The following BMAL1 variants were observed in gnomAD, a reference collection of about 807,000 sequenced individuals.
BMAL1 encodes basic helix-loop-helix ARNT-like protein 1.
the BMAL1 span, among the ~76,000 whole-genome samples, chr11:13,291,174 T>C: frequency 6.6e-6 from 1 of 152,216 alleles, no homozygotes; most frequent in African/African-American, 2.4e-5. Flanking sequence ...AGTCACCCTG[T>C]AAAAACCTTT....
the BMAL1 span, among the ~76,000 whole-genome samples, chr11:13,298,575 C>T: frequency 1.7e-4 from 26 of 152,032 alleles, no homozygotes; most frequent in Non-Finnish European, 3.5e-4. Flanking sequence ...AGGCAGGCAC[C>T]AGTGTTAATT....
At chr11:13,381,388 C>G in the BMAL1 span, 1 of 803,682 alleles carries the variant, frequency 1.2e-6, no homozygotes, top group Non-Finnish European at 2.0e-6. Flanking sequence ...GTAAATGCAT[C>G]TGTGTGAGGC....
the BMAL1 span, among the ~76,000 whole-genome samples, chr11:13,344,041 C>T: frequency 0.49 from 74,396 of 151,876 alleles, 19,592 homozygotes; most frequent in Non-Finnish European, 0.61. Flanking sequence ...CACCCTGACC[C>T]CTGACAACCA....
chr11:13,286,635 C>T, the BMAL1 span, among the ~76,000 whole-genome samples: 529 of 152,288 alleles, frequency 3.5e-3, 1 homozygote, highest in African/African-American at 0.012. Context: ...TCAAGCAGTT[C>T]CCCATGTGCA....
the BMAL1 span, among the ~76,000 whole-genome samples, chr11:13,293,922 T>C: frequency 1.1e-4 from 17 of 152,332 alleles, no homozygotes; most frequent in East Asian, 3.3e-3. Flanking sequence ...AATGATAAGA[T>C]GCAGTTATAA....
chr11:13,355,329 A>G, the BMAL1 span: 24 of 1,605,280 alleles, frequency 1.5e-5, no homozygotes, highest in Non-Finnish European at 1.9e-5. Flanking sequence ...GACAGCCAAC[A>G]CCCAGGGGCT....
the BMAL1 span, chr11:13,369,876 A>G: frequency 2.1e-6 from 3 of 1,409,408 alleles, no homozygotes; most frequent in Non-Finnish European, 2.9e-6. Flanking sequence ...CCAGAGTGGC[A>G]GGTCCCAGGA....
the BMAL1 span, among the ~76,000 whole-genome samples, chr11:13,331,153 A>C: frequency 1.3e-5 from 2 of 152,238 alleles, no homozygotes; most frequent in African/African-American, 2.4e-5. Flanking sequence ...AGGGGTTCAC[A>C]GTCTTAGAAG....
chr11:13,281,170 C>G, the BMAL1 span, among the ~76,000 whole-genome samples: 1 of 152,126 alleles, frequency 6.6e-6, no homozygotes, highest in Non-Finnish European at 1.5e-5. Context: ...ATTATTTGTG[C>G]TGTTTGTCCT....
the BMAL1 span, chr11:13,356,293 T>TAG: frequency 4.4e-6 from 2 of 459,118 alleles, no homozygotes; most frequent in Non-Finnish European, 4.4e-6. Flanking sequence ...GTCCCTTCCC[T>TAG]GCCAAATAGA....
At chr11:13,377,713 C>CT in the BMAL1 span, among the ~76,000 whole-genome samples, 1 of 152,228 alleles carries the variant, frequency 6.6e-6, no homozygotes, top group East Asian at 1.9e-4. Flanking sequence ...TTGGTACCTG[C>CT]TGCCCCAGTT....
the BMAL1 span, among the ~76,000 whole-genome samples, chr11:13,300,074 C>T: frequency 6.6e-6 from 1 of 152,180 alleles, no homozygotes; most frequent in East Asian, 1.9e-4. Context: ...TTGGCCTTTC[C>T]CTGATCTTGG....
chr11:13,333,358 G>T, the BMAL1 span, among the ~76,000 whole-genome samples: 1 of 152,150 alleles, frequency 6.6e-6, no homozygotes, highest in Non-Finnish European at 1.5e-5. Context: ...TTATTGTCTG[G>T]CACCAGCAGG....
the BMAL1 span, among the ~76,000 whole-genome samples, chr11:13,381,688 T>C: frequency 6.6e-6 from 1 of 152,230 alleles, no homozygotes; most frequent in Non-Finnish European, 1.5e-5. Flanking sequence ...CCATGCTTTA[T>C]AGCTGCAGAA....
At chr11:13,308,258 C>T in the BMAL1 span, among the ~76,000 whole-genome samples, 286 of 152,260 alleles carry the variant, frequency 1.9e-3, 2 homozygotes, top group South Asian at 3.1e-3. Flanking sequence ...CGTCAGGGGT[C>T]TGTGTTGGAC....
At chr11:13,380,666 A>G in the BMAL1 span, 1 of 155,258 alleles carries the variant, frequency 6.4e-6, no homozygotes, top group Non-Finnish European at 1.4e-5. Flanking sequence ...AGTATTCACT[A>G]GCTAAACAGT....
chr11:13,314,269 A>ACACT, the BMAL1 span, among the ~76,000 whole-genome samples: 1 of 150,278 alleles, frequency 6.7e-6, no homozygotes, highest in African/African-American at 2.5e-5. Context: ...ACACACACAC[A>ACACT]CACTCTGTCT....
At chr11:13,315,936 G>C in the BMAL1 span, among the ~76,000 whole-genome samples, 1 of 152,306 alleles carries the variant, frequency 6.6e-6, no homozygotes, top group African/African-American at 2.4e-5. Flanking sequence ...CATGGGGTTT[G>C]GCCGTCACCC....
At chr11:13,290,707 T>C in the BMAL1 span, among the ~76,000 whole-genome samples, 140,528 of 152,034 alleles carry the variant, frequency 0.92, 65,410 homozygotes, top group East Asian at 1. Flanking sequence ...TAATGTCAGT[T>C]CTGTTTTCTA....
Sources: allele counts gnomAD v4.1 joint callset (sites outside exome capture counted in the v4.1 genomes callset), GRCh38; gene constraint gnomAD v4.1.1; transcripts MANE v1.5; gene names NCBI Gene and HGNC (gene_info 2026-07-23, HGNC 2026-07-21).